BMPR1B: variants seen among roughly 807,000 people sequenced by gnomAD.
The protein encoded by BMPR1B is bone morphogenetic protein receptor type-1B.
In BMPR1B, 12 loss-of-function variants were observed where a neutral mutation model predicts 59.1. That is an observed-to-expected ratio of 0.20 (90% CI 0.13 to 0.33). The LOEUF is 0.33. Ranked by LOEUF, BMPR1B falls within the 10% of genes least tolerant of loss-of-function variation. The pLI is 1.00. For missense variants in BMPR1B, 550 were observed against 610.9 expected (o/e 0.90, Z 1.05); for synonymous variants, 237 against 207.3 (o/e 1.14, Z -1.23).
chr4:94,940,774 G>C (rs1197377864), intron 2 of BMPR1B, among the ~76,000 whole-genome samples: 1 of 152,144 alleles, frequency 6.6e-6, no homozygotes, highest in Non-Finnish European at 1.5e-5. Context: ...TTGGTCTCCA[G>C]AATAGAGCCC....
intron 1 of BMPR1B, among the ~76,000 whole-genome samples, chr4:94,841,591 G>C (rs865981548): frequency 6.6e-6 from 1 of 152,050 alleles, no homozygotes; most frequent in Non-Finnish European, 1.5e-5. Context: ...TGCGCTTCCC[G>C]AGTGAGGCAA....
intron 8 of BMPR1B, among the ~76,000 whole-genome samples, chr4:95,127,150 C>CACT (rs986317829): frequency 1.1e-4 from 16 of 151,180 alleles, no homozygotes; most frequent in African/African-American, 3.9e-4. Context: ...TCTCAGAGTA[C>CACT]ATGAAATATA....
At chr4:94,793,348 C>T (rs1723056888) in intron 1 of BMPR1B, among the ~76,000 whole-genome samples, 2 of 151,740 alleles carry the variant, frequency 1.3e-5, no homozygotes, top group Non-Finnish European at 2.9e-5. Flanking sequence ...GACATGAACT[C>T]ATCATTTTTT....
chr4:94,978,456 G>T (rs1731110902), intron 2 of BMPR1B, among the ~76,000 whole-genome samples: 1 of 152,144 alleles, frequency 6.6e-6, no homozygotes, highest in South Asian at 2.1e-4. Context: ...TTCCACATTG[G>T]ATGGTTTGGC....
In BMPR1B at chr4:95,096,714, G is replaced by A. The variant is rs190890719; in HGVS notation, c.-17-7694G>A. Among the ~76,000 whole-genome samples, 636 of 87,566 alleles carry A rather than the reference G, an allele frequency of 7.3e-3. 5 individuals carry two copies. Among genetic ancestry groups the A allele is most frequent in the African/African-American group, 0.022 (597 of 27,658 alleles). The allele number at this position is 87,566 out of a possible 152,430, so 57.4% of individuals were successfully genotyped here. Reference sequence around the variant, plus strand: ...ATATATAACTATATAATTATATAGAGGCATATATAACTATATATAGTTATA... The same window carrying A: ...ATATATAACTATATAATTATATAGAAGCATATATAACTATATATAGTTATA... On this transcript the variant is annotated intron_variant, in intron 3 of 12. Transcript: ENST00000515059.
rs893893091 is a variant in BMPR1B at position 95,155,726 on chromosome 4, C to T, written c.*1053C>T. 6.6e-5 allele frequency: 10 copies of T among 151,392 alleles called. No individual in the cohort carries two copies. Among genetic ancestry groups the T allele is most frequent in the Admixed American group, 5.9e-4 (9 of 15,204 alleles). The allele number at this position is 151,392 out of a possible 1,614,324, so 9.4% of individuals were successfully genotyped here. A position where few individuals can be genotyped will look rare whatever the true frequency, so the allele number is the denominator to read the frequency against. On this transcript the variant is annotated 3_prime_UTR_variant, in exon 13 of 13. Transcript: ENST00000515059. Reference sequence around the variant, plus strand: ...TGCAAAGGAGCCAATCTCAGAAGCACAAAGAAAAAAGTGTGCATACCTTAT... The same window carrying T: ...TGCAAAGGAGCCAATCTCAGAAGCATAAAGAAAAAAGTGTGCATACCTTAT...
At chr4:95,041,645 G>C (rs1340898181) in intron 3 of BMPR1B, among the ~76,000 whole-genome samples, 2 of 148,350 alleles carry the variant, frequency 1.3e-5, no homozygotes, top group Non-Finnish European at 3.0e-5. Context: ...ATTTCTTCTA[G>C]AACAAAAATA....
rs10649707 is a variant in BMPR1B, at chr4:94,978,949, TACACACAC to T, written c.-112-17068_-112-17061del. Among the ~76,000 whole-genome samples the T allele has an allele frequency of 2.8e-4, 41 of 147,808 alleles. 1 individual carries two copies. The highest frequency in any genetic ancestry group is 1.0e-3 in the East Asian group (5 of 4,998). On this transcript the variant is annotated intron_variant, in intron 2 of 12. Transcript: ENST00000515059. Reference sequence around the variant, plus strand: ...AGAGCAAGACACCATCACACATACATACACACACACACACACACACACACACACACGAA... The same window carrying T: ...AGAGCAAGACACCATCACACATACATACACACACACACACACACACACGAA...
chr4:94,890,794 A>T (rs929185144), intron 2 of BMPR1B, among the ~76,000 whole-genome samples: 2 of 151,912 alleles, frequency 1.3e-5, no homozygotes, highest in African/African-American at 4.8e-5. Context: ...TAATCCCATC[A>T]TGAGGGCCCC....
At chr4:94,869,095 A>AAC (rs59407857) in intron 1 of BMPR1B, among the ~76,000 whole-genome samples, 2,596 of 144,604 alleles carry the variant, frequency 0.018, 38 homozygotes, top group South Asian at 0.029. Context: ...TTTACTATCA[A>AAC]ACACACACAC....
chr4:94,829,733 G>A (rs1361264185), intron 1 of BMPR1B, among the ~76,000 whole-genome samples: 2 of 152,186 alleles, frequency 1.3e-5, no homozygotes, highest in African/African-American at 2.4e-5. Flanking sequence ...AAGTGCTCTA[G>A]TAAGGAAGTC....
intron 2 of BMPR1B, among the ~76,000 whole-genome samples, chr4:94,887,672 C>T (rs939954414): frequency 3.3e-5 from 5 of 151,620 alleles, no homozygotes; most frequent in African/African-American, 1.2e-4. Context: ...TAATAAGCGG[C>T]ATCAAAGAAA....
At chr4:94,874,711 G>T (rs1410950896) in intron 1 of BMPR1B, among the ~76,000 whole-genome samples, 2 of 152,166 alleles carry the variant, frequency 1.3e-5, no homozygotes, top group Admixed American at 6.5e-5. Context: ...CTATTGGCCG[G>T]GTGCGGTGGC....
At chr4:95,058,889 C>G (rs116434409) in intron 3 of BMPR1B, among the ~76,000 whole-genome samples, 1,597 of 152,172 alleles carry the variant, frequency 0.01, 20 homozygotes, top group African/African-American at 0.034. Flanking sequence ...AATGATTATG[C>G]ACTTTTTTAT....
chr4:95,019,171 C>T (rs1723797647), intron 3 of BMPR1B, among the ~76,000 whole-genome samples: 1 of 152,144 alleles, frequency 6.6e-6, no homozygotes, highest in South Asian at 2.1e-4. Flanking sequence ...ATAACCTATG[C>T]TTCTTTAAAA....
chr4:95,113,526 C>T (rs1337621517), intron 4 of BMPR1B, among the ~76,000 whole-genome samples: 2 of 152,134 alleles, frequency 1.3e-5, no homozygotes, highest in South Asian at 2.1e-4. Flanking sequence ...CATGACCTTT[C>T]AAGATTACAT....
intron 2 of BMPR1B, among the ~76,000 whole-genome samples, chr4:94,912,213 G>A (rs115221292): frequency 0.032 from 4,912 of 152,202 alleles, 105 homozygotes; most frequent in Non-Finnish European, 0.051. Flanking sequence ...CAACATATGG[G>A]AATTATGGGA....
intron 1 of BMPR1B, among the ~76,000 whole-genome samples, chr4:94,803,913 C>G (rs1578662346): frequency 6.6e-6 from 1 of 152,152 alleles, no homozygotes. Flanking sequence ...GAGTCTTGCT[C>G]TGTTGCCTAG....
chr4:94,889,964 A>T (rs757559971), intron 2 of BMPR1B, among the ~76,000 whole-genome samples: 1 of 151,970 alleles, frequency 6.6e-6, no homozygotes, highest in Non-Finnish European at 1.5e-5. Context: ...CTCTACCCCA[A>T]ATAGAGGGAG....
Sources: allele counts gnomAD v4.1 joint callset (sites outside exome capture counted in the v4.1 genomes callset), GRCh38; gene constraint gnomAD v4.1.1; transcripts MANE v1.5; gene names NCBI Gene and HGNC (gene_info 2026-07-23, HGNC 2026-07-21).